Variants in CDH12 observed in about 807,000 individuals in gnomAD.
The protein encoded by CDH12 is cadherin 12.
A neutral mutation model predicts 74.1 loss-of-function variants in CDH12; 41 were observed. The observed-to-expected ratio is 0.55, with a 90% CI of 0.43 to 0.72. The LOEUF (loss-of-function observed/expected upper bound fraction) is 0.72. CDH12 is among the 30% of genes least tolerant of loss of function. The probability of loss-of-function intolerance (pLI) is 0.00; values close to 1 mark genes in which losing one functional copy is unlikely to be tolerated. For synonymous variants in CDH12, 399 were observed against 355.0 expected (o/e 1.12, Z -1.39); for missense variants, 945 against 977.2 (o/e 0.97, Z 0.44).
chr5:22,244,427 G>A (rs1294298883), intron 3 of CDH12, among the ~76,000 whole-genome samples: 3 of 137,360 alleles, frequency 2.2e-5, no homozygotes, highest in Admixed American at 8.1e-5. Context: ...CCCAGGAGGC[G>A]GAGGTTGCAG....
intron 4 of CDH12, among the ~76,000 whole-genome samples, chr5:22,206,176 C>A (rs1281501767): frequency 1.3e-5 from 2 of 152,060 alleles, no homozygotes; most frequent in Non-Finnish European, 2.9e-5. Context: ...AGCCATGGGG[C>A]AGAGTAGGGG....
chr5:22,292,328 G>A (rs545943286), intron 3 of CDH12, among the ~76,000 whole-genome samples: 2 of 103,996 alleles, frequency 1.9e-5, no homozygotes, highest in African/African-American at 3.8e-5. Context: ...GCTTTTTGGG[G>A]TTTTTGGTTT....
chr5:22,437,902 A>G (rs2126535421), intron 2 of CDH12, among the ~76,000 whole-genome samples: 1 of 152,230 alleles, frequency 6.6e-6, no homozygotes, highest in Non-Finnish European at 1.5e-5. Flanking sequence ...TGTTAAACAT[A>G]GCTTTTCCAA....
intron 1 of CDH12, among the ~76,000 whole-genome samples, chr5:22,851,316 G>C (rs528139313): frequency 1.3e-5 from 2 of 151,960 alleles, no homozygotes; most frequent in African/African-American, 2.4e-5. Context: ...AAAAGCATTC[G>C]TGGCTTAAAA....
At chr5:21,770,618 C>CAAA (rs33944200) in intron 11 of CDH12, among the ~76,000 whole-genome samples, 1 of 84,010 alleles carries the variant, frequency 1.2e-5, no homozygotes, top group Non-Finnish European at 2.7e-5. Context: ...AAGTCCATCT[C>CAAA]AAAAAAAAAA....
intron 3 of CDH12, among the ~76,000 whole-genome samples, chr5:22,390,921 GA>G (rs200441181): frequency 6.6e-6 from 1 of 151,144 alleles, no homozygotes; most frequent in Non-Finnish European, 1.5e-5. Flanking sequence ...ATGTTAATGT[GA>G]AAAAAAAATC....
intron 3 of CDH12, among the ~76,000 whole-genome samples, chr5:22,250,047 G>A (rs1209949981): frequency 6.6e-6 from 1 of 152,192 alleles, no homozygotes; most frequent in South Asian, 2.1e-4. Flanking sequence ...TGGTGGGGAA[G>A]TATTGCAGAA....
chr5:22,347,634 G>C (rs187658951), intron 3 of CDH12, among the ~76,000 whole-genome samples: 1 of 152,176 alleles, frequency 6.6e-6, no homozygotes, highest in Admixed American at 6.5e-5. Context: ...TATCCTTTAA[G>C]TTCTGTCCCT....
At position 21,832,782 on chromosome 5, in the gene CDH12, A is replaced by G. The variant is rs1309180614; in HGVS notation, c.814+9379T>C. The stretch of plus-strand genomic sequence containing the variant: ...TATATATGATATATATTATATTAAT[A>G]TATATCATATAATATATATATTATC... On this transcript the variant is annotated intron_variant, in intron 8 of 14. Transcript: ENST00000382254. Among the ~76,000 whole-genome samples the G allele has an allele frequency of 2.6e-5, 3 of 115,490 alleles. No homozygotes were observed. The South Asian group carries it at 7.4e-4, about 28-fold the overall frequency. 75.8% of individuals were successfully genotyped at this position (115,490 alleles called of 152,430 possible). A position where few individuals can be genotyped will look rare whatever the true frequency, so the allele number is the denominator to read the frequency against.
chr5:22,333,471 TTAAAG>T (rs773039964), intron 3 of CDH12, among the ~76,000 whole-genome samples: 1 of 151,936 alleles, frequency 6.6e-6, no homozygotes, highest in East Asian at 1.9e-4. Flanking sequence ...ATCCTGGAAC[TTAAAG>T]TAAAATTGTT....
At chr5:22,293,367 T>C (rs1426662018) in intron 3 of CDH12, among the ~76,000 whole-genome samples, 1 of 152,196 alleles carries the variant, frequency 6.6e-6, no homozygotes, top group Non-Finnish European at 1.5e-5. Flanking sequence ...AAATCCTTCA[T>C]TTGAGTGCTC....
intron 1 of CDH12, among the ~76,000 whole-genome samples, chr5:22,694,885 C>T (rs1490263830): frequency 6.6e-6 from 1 of 151,876 alleles, no homozygotes; most frequent in Non-Finnish European, 1.5e-5. Context: ...AGGTTTGTTA[C>T]ATAAGTATAC....
At chr5:21,885,235 C>T (rs1403618595) in intron 6 of CDH12, among the ~76,000 whole-genome samples, 1 of 152,172 alleles carries the variant, frequency 6.6e-6, no homozygotes, top group Non-Finnish European at 1.5e-5. Flanking sequence ...ATTTAATTCT[C>T]ACAACAGTAT....
intron 3 of CDH12, among the ~76,000 whole-genome samples, chr5:22,280,962 C>T (rs905548714): frequency 6.6e-5 from 10 of 152,038 alleles, no homozygotes; most frequent in African/African-American, 2.4e-4. Context: ...AATATCAATG[C>T]AAAAATCCTC....
chr5:21,947,783 C>T (rs1755646304), intron 6 of CDH12, among the ~76,000 whole-genome samples: 1 of 152,168 alleles, frequency 6.6e-6, no homozygotes, highest in Admixed American at 6.5e-5. Flanking sequence ...CCATGGCAGC[C>T]CTTCTCATCA....
intron 3 of CDH12, among the ~76,000 whole-genome samples, chr5:22,301,189 G>C (rs1331040002): frequency 6.6e-6 from 1 of 152,164 alleles, no homozygotes; most frequent in South Asian, 2.1e-4. Flanking sequence ...TTTAAAAGCT[G>C]TTGAGCAGAT....
intron 1 of CDH12, among the ~76,000 whole-genome samples, chr5:22,608,965 A>G (rs1456139743): frequency 6.6e-6 from 1 of 152,140 alleles, no homozygotes; most frequent in Non-Finnish European, 1.5e-5. Flanking sequence ...TACACATACC[A>G]AAGCAGGGAA....
chr5:22,572,017 C>T (rs931795803), intron 1 of CDH12, among the ~76,000 whole-genome samples: 3 of 152,050 alleles, frequency 2.0e-5, no homozygotes, highest in African/African-American at 7.2e-5. Flanking sequence ...ATGGCGCTGA[C>T]AGACTTACTC....
At chr5:22,525,562 T>C (rs1737232747) in intron 1 of CDH12, among the ~76,000 whole-genome samples, 1 of 151,924 alleles carries the variant, frequency 6.6e-6, no homozygotes, top group South Asian at 2.1e-4. Context: ...GGGAATGGAA[T>C]GCATTAAAGA....
Sources: allele counts gnomAD v4.1 joint callset (sites outside exome capture counted in the v4.1 genomes callset), GRCh38; gene constraint gnomAD v4.1.1; transcripts MANE v1.5; gene names NCBI Gene and HGNC (gene_info 2026-07-23, HGNC 2026-07-21).